Variants in ADAMTS5 observed in about 807,000 individuals in gnomAD.
The protein encoded by ADAMTS5 is A disintegrin and metalloproteinase with thrombospondin motifs 5.
ADAMTS5 carries 54 observed loss-of-function variants against 81.4 expected under a neutral mutation model. The ratio of observed to expected loss-of-function variants is 0.66; its 90% CI spans 0.53 to 0.83. The LOEUF (loss-of-function observed/expected upper bound fraction) is 0.83, where lower values mean the gene tolerates loss of function less well. ADAMTS5 is among the 40% of genes least tolerant of loss of function. The pLI is 0.00. For missense variants in ADAMTS5, 1,194 were observed against 1,229.9 expected (o/e 0.97, Z 0.44); for synonymous variants, 532 against 508.8 (o/e 1.05, Z -0.61).
chr21:26,919,301 A>G lies in ADAMTS5; in HGVS notation c.*4752T>C, dbSNP rs547088754. The G allele has an allele frequency of 6.6e-6, 1 of 151,056 alleles. No individual in the cohort carries two copies. Among genetic ancestry groups the G allele is most frequent in the South Asian group, 2.1e-4 (1 of 4,804 alleles). The allele number at this position is 151,056 out of a possible 1,614,324, so 9.4% of individuals were successfully genotyped here. A position where few individuals can be genotyped will look rare whatever the true frequency, so the allele number is the denominator to read the frequency against. ...TTTTAGGTCACTCTGATGTAGCAGT[A>G]CCTTACAGGATGAGGGGCCACTGCT... On this transcript the variant is annotated 3_prime_UTR_variant, in exon 8 of 8. Coordinates refer to ENST00000284987, the MANE Select transcript of ADAMTS5 (RefSeq NM_007038.5).
chr21:26,942,277 C>A (rs182774), intron 3 of ADAMTS5, among the ~76,000 whole-genome samples: 107,119 of 151,862 alleles, frequency 0.71, 38,174 homozygotes, highest in South Asian at 0.8. Context: ...GCCACAGTTC[C>A]AAACAGTCAA....
rs1987667668 is a variant in ADAMTS5, at chr21:26,966,258, C to A, written c.134G>T (p.Arg45Leu). Residue 45 changes from arginine to leucine, a missense_variant, in exon 1 of 8, where the codon CGG becomes CTG. Arg to Leu is a moderately radical substitution (Grantham distance 102). Around this residue, in one of 2 missense-constraint regions of ADAMTS5, gnomAD observed 498 missense variants for 412.3 expected, o/e 1.21. Coordinates refer to ENST00000284987, the MANE Select transcript of ADAMTS5 (RefSeq NM_007038.5). ...PTAAAAAQPR[R>L]RQGEEVQERA... ...CTCCTGCACCTCCTCCCCCTGCCGCCGGCGGGGCTGGGCGGCTGCTGCAGC... is the reference window on the plus strand; with the variant it reads ...CTCCTGCACCTCCTCCCCCTGCCGCAGGCGGGGCTGGGCGGCTGCTGCAGC... The A allele has an allele frequency of 6.3e-7, 1 of 1,589,708 alleles. No homozygotes were observed. The highest frequency in any genetic ancestry group is 2.3e-5 in the East Asian group (1 of 43,992).
At chr21:26,948,385 A>C (rs1426521707) in intron 2 of ADAMTS5, among the ~76,000 whole-genome samples, 1 of 152,242 alleles carries the variant, frequency 6.6e-6, no homozygotes, top group East Asian at 1.9e-4. Flanking sequence ...AAAATGTCAC[A>C]AGAAGCTCTG....
rs10671507 is a variant in ADAMTS5, at chr21:26,921,446, C to CTTTTTT, written c.*2601_*2606dup. On this transcript the variant is annotated 3_prime_UTR_variant, in exon 8 of 8. Coordinates refer to ENST00000284987, the MANE Select transcript of ADAMTS5 (RefSeq NM_007038.5). Reference sequence around the variant, plus strand: ...AAACCTGAGCATTTTCAGACGAATTCTTTTTTTTTTTTTTTTTTAAAGAAG... The same window carrying CTTTTTT: ...AAACCTGAGCATTTTCAGACGAATTCTTTTTTTTTTTTTTTTTTTTTTTTAAAGAAG... The CTTTTTT allele has an allele frequency of 7.7e-6, 1 of 129,732 alleles. No homozygotes were observed. The highest frequency in any genetic ancestry group is 1.6e-5 in the Non-Finnish European group (1 of 61,648). The allele number at this position is 129,732 out of a possible 1,614,324, so 8.0% of individuals were successfully genotyped here. A position where few individuals can be genotyped will look rare whatever the true frequency, so the allele number is the denominator to read the frequency against.
In ADAMTS5 at chr21:26,924,032, G is replaced by A. The variant is rs1028058844; in HGVS notation, c.*21C>T. ...TGCTGAATCCTCCAGTTATCTTTGT[G>A]CATAAGATCATAACCACAGGCTAAC... On this transcript the variant is annotated 3_prime_UTR_variant, in exon 8 of 8. Coordinates refer to ENST00000284987, the MANE Select transcript of ADAMTS5 (RefSeq NM_007038.5). 1.3e-6 allele frequency: 2 copies of A among 1,567,858 alleles called. No homozygotes were observed. Among genetic ancestry groups the A allele is most frequent in the Non-Finnish European group, 1.7e-6 (2 of 1,151,550 alleles).
intron 1 of ADAMTS5, 74 bp downstream of exon 1, chr21:26,965,214 A>G (rs1324299976): frequency 1.8e-5 from 27 of 1,532,004 alleles, no homozygotes; most frequent in Non-Finnish European, 2.1e-5. Flanking sequence ...GGAGAAGCAA[A>G]GCCACCAGCA....
intron 1 of ADAMTS5, among the ~76,000 whole-genome samples, chr21:26,959,838 G>A (rs1200660147): frequency 6.6e-6 from 1 of 152,042 alleles, no homozygotes; most frequent in Non-Finnish European, 1.5e-5. Context: ...TTTCCTGCCT[G>A]AATTATAACC....
At chr21:26,951,835 C>G (rs542818572) in intron 2 of ADAMTS5, among the ~76,000 whole-genome samples, 1 of 151,692 alleles carries the variant, frequency 6.6e-6, no homozygotes, top group Non-Finnish European at 1.5e-5. Context: ...AACAAACCAG[C>G]AAGCTGCATT....
chr21:26,946,680 A>G (rs1003707921), intron 2 of ADAMTS5, among the ~76,000 whole-genome samples: 1 of 152,214 alleles, frequency 6.6e-6, no homozygotes, highest in African/African-American at 2.4e-5. Context: ...AAAACAGCAC[A>G]TGAAGAATAT....
chr21:26,940,344 T>G (rs1291904489), intron 3 of ADAMTS5, among the ~76,000 whole-genome samples: 2 of 152,190 alleles, frequency 1.3e-5, no homozygotes, highest in Admixed American at 1.3e-4. Context: ...AGTTTAACTT[T>G]CCTAGATAAC....
intron 2 of ADAMTS5, among the ~76,000 whole-genome samples, chr21:26,943,896 T>C (rs1222388576): frequency 6.6e-6 from 1 of 152,164 alleles, no homozygotes; most frequent in Non-Finnish European, 1.5e-5. Flanking sequence ...CACGTATCAT[T>C]TTGATTGTCT....
intron 1 of ADAMTS5, among the ~76,000 whole-genome samples, chr21:26,964,873 C>T (rs1987606166): frequency 6.6e-6 from 1 of 152,202 alleles, no homozygotes; most frequent in Non-Finnish European, 1.5e-5. Flanking sequence ...CCAGCCCTTT[C>T]CATTAGGTGG....
At chr21:26,947,915 A>AT (rs1344051996) in intron 2 of ADAMTS5, among the ~76,000 whole-genome samples, 1 of 152,210 alleles carries the variant, frequency 6.6e-6, no homozygotes, top group Non-Finnish European at 1.5e-5. Context: ...GTAATGATAA[A>AT]TTATGTCAGA....
At chr21:26,924,696 C>G (rs1986775453) in intron 7 of ADAMTS5, 76 bp from the exon 8 acceptor site, 1 of 1,152,522 alleles carries the variant, frequency 8.7e-7, no homozygotes, top group Non-Finnish European at 1.2e-6. Flanking sequence ...AAACACTTAA[C>G]AAATAAATAC....
intron 3 of ADAMTS5, among the ~76,000 whole-genome samples, chr21:26,937,821 T>C (rs1987041599): frequency 6.6e-6 from 1 of 152,236 alleles, no homozygotes; most frequent in Non-Finnish European, 1.5e-5. Flanking sequence ...TCTTCACATC[T>C]ACTTCACATA....
chr21:26,966,481 C>T lies in ADAMTS5; in HGVS notation c.-90G>A, dbSNP rs1310135935. On this transcript the variant is annotated 5_prime_UTR_variant, in exon 1 of 8. Coordinates refer to ENST00000284987, the MANE Select transcript of ADAMTS5 (RefSeq NM_007038.5). ...AAGTTAACGGGGCGGGGGATGGGGACACACACACACTTGCTTGCAGGATTG... is the reference window on the plus strand; with the variant it reads ...AAGTTAACGGGGCGGGGGATGGGGATACACACACACTTGCTTGCAGGATTG... 17 of 1,253,764 alleles carry T rather than the reference C, an allele frequency of 1.4e-5. No homozygotes were observed. The highest frequency in any genetic ancestry group is 1.8e-5 in the Non-Finnish European group (17 of 967,330). 77.7% of individuals were successfully genotyped at this position (1,253,764 alleles called of 1,614,324 possible).
At chr21:26,953,630 A>G (rs1309657532) in intron 2 of ADAMTS5, among the ~76,000 whole-genome samples, 2 of 152,200 alleles carry the variant, frequency 1.3e-5, no homozygotes, top group Non-Finnish European at 2.9e-5. Flanking sequence ...AACCTTAAAA[A>G]TCAAAATCTG....
At chr21:26,958,531 C>T (rs1210860590) in intron 1 of ADAMTS5, among the ~76,000 whole-genome samples, 2 of 152,306 alleles carry the variant, frequency 1.3e-5, no homozygotes, top group Middle Eastern at 3.4e-3. Flanking sequence ...CCAACCTTTA[C>T]GATGACCCAT....
At chr21:26,952,913 CG>C (rs1467820378) in intron 2 of ADAMTS5, among the ~76,000 whole-genome samples, 1 of 152,178 alleles carries the variant, frequency 6.6e-6, no homozygotes, top group East Asian at 1.9e-4. Flanking sequence ...TCTTAGTTTC[CG>C]GTGCAGATCG....
Sources: gnomAD v4.1 joint callset for allele counts (sites outside exome capture counted in the v4.1 genomes callset) on GRCh38, gnomAD v4.1.1 for gene constraint, gnomAD v4.1.1 regional missense constraint, MANE v1.5 for transcripts, NCBI Gene and HGNC (gene_info 2026-07-23, HGNC 2026-07-21) for gene names.